The following FNBP1L variants were observed in gnomAD, a reference collection of about 807,000 sequenced individuals.
FNBP1L encodes formin-binding protein 1-like.
Under a neutral mutation model 91.2 loss-of-function variants are expected in FNBP1L, and 36 were observed. The observed-to-expected ratio is 0.39, with a 90% CI of 0.30 to 0.52. The LOEUF is 0.52. Ranked by LOEUF, FNBP1L falls within the 20% of genes least tolerant of loss-of-function variation. FNBP1L has a pLI of 0.66. For synonymous variants in FNBP1L, 242 were observed against 237.0 expected, an observed-to-expected ratio of 1.02 and a Z score of -0.19; for missense variants, 571 against 732.1, an observed-to-expected ratio of 0.78 and a Z score of 2.54.
chr1:93,462,861 C>G (rs74104033), intron 1 of FNBP1L, among the ~76,000 whole-genome samples: 4,353 of 152,080 alleles, frequency 0.029, 215 homozygotes, highest in African/African-American at 0.099. Flanking sequence ...AAGGAAGTCA[C>G]TATGTATAGC....
Position 93,553,220 on chromosome 1 carries a change from C to T in FNBP1L, c.*804C>T, listed in dbSNP as rs559168019. The T allele has an allele frequency of 1.3e-5, 2 of 152,646 alleles. No individual in the cohort carries two copies. Among genetic ancestry groups the T allele is most frequent in the Admixed American group, 1.3e-4 (2 of 15,278 alleles). 9.5% of individuals were successfully genotyped at this position (152,646 alleles called of 1,614,324 possible). On this transcript the variant is annotated 3_prime_UTR_variant, in exon 17 of 17. Transcript: ENST00000271234. ...AGCACTGAAATCCTGGCATAATAAACACAGAAGATATTCACCACCTCAAGA... is the reference window on the plus strand; with the variant it reads ...AGCACTGAAATCCTGGCATAATAAATACAGAAGATATTCACCACCTCAAGA...
intron 12 of FNBP1L, among the ~76,000 whole-genome samples, 158 bp downstream of exon 12, chr1:93,544,374 A>T (rs1672147759): frequency 6.6e-6 from 1 of 152,118 alleles, no homozygotes; most frequent in Admixed American, 6.5e-5. Context: ...TTTTATGGTT[A>T]CCCTGTCATA....
chr1:93,498,195 T>C (rs988233376), intron 1 of FNBP1L, among the ~76,000 whole-genome samples: 1 of 152,118 alleles, frequency 6.6e-6, no homozygotes, highest in African/African-American at 2.4e-5. Flanking sequence ...GTGAAGAAGA[T>C]TGTGGGAAGA....
chr1:93,507,574 CTG>C (rs910160342), intron 2 of FNBP1L, among the ~76,000 whole-genome samples: 4 of 152,152 alleles, frequency 2.6e-5, no homozygotes, highest in East Asian at 1.9e-4. Context: ...TGACTTTAGA[CTG>C]TTTTTTCAGA....
chr1:93,466,014 A>G (rs963328309), intron 1 of FNBP1L, among the ~76,000 whole-genome samples: 4 of 151,820 alleles, frequency 2.6e-5, no homozygotes, highest in African/African-American at 7.3e-5. Flanking sequence ...TTTGAGAAGT[A>G]TGTGTTCATA....
chr1:93,471,047 A>G (rs1467880080), intron 1 of FNBP1L, among the ~76,000 whole-genome samples: 2 of 152,174 alleles, frequency 1.3e-5, no homozygotes, highest in East Asian at 3.8e-4. Flanking sequence ...GTGATGCAAA[A>G]TTACAAATAC....
At chr1:93,493,860 C>T (rs544891701) in intron 1 of FNBP1L, among the ~76,000 whole-genome samples, 25 of 152,124 alleles carry the variant, frequency 1.6e-4, no homozygotes, top group Admixed American at 1.3e-4. Context: ...TGGTGAAAGA[C>T]GTACACTATT....
chr1:93,551,253 T>C, intron 16 of FNBP1L, 148 bp downstream of exon 16: 2 of 1,374,180 alleles, frequency 1.5e-6, no homozygotes, highest in Non-Finnish European at 1.9e-6. Context: ...CTATGTGAGC[T>C]GAGTGTAGGC....
At chr1:93,451,106 A>G (rs1047096552) in intron 1 of FNBP1L, among the ~76,000 whole-genome samples, 4 of 152,234 alleles carry the variant, frequency 2.6e-5, no homozygotes, top group Non-Finnish European at 5.9e-5. Flanking sequence ...GGGTAATACC[A>G]AGGAAAGAGA....
At chr1:93,519,831 C>T (rs1391986564) in intron 2 of FNBP1L, among the ~76,000 whole-genome samples, 1 of 152,098 alleles carries the variant, frequency 6.6e-6, no homozygotes, top group Non-Finnish European at 1.5e-5. Context: ...ATGGTGTGTG[C>T]CTGTAGTCCC....
At chr1:93,481,351 G>A (rs1669697644) in intron 1 of FNBP1L, among the ~76,000 whole-genome samples, 3 of 152,024 alleles carry the variant, frequency 2.0e-5, no homozygotes, top group Admixed American at 1.3e-4. Flanking sequence ...ATCACTATCA[G>A]CCTGTCAGTA....
chr1:93,453,053 A>G (rs1219393032), intron 1 of FNBP1L, among the ~76,000 whole-genome samples: 1 of 152,144 alleles, frequency 6.6e-6, no homozygotes. Flanking sequence ...AATTCCTATC[A>G]ACCCCATGCC....
At chr1:93,492,673 C>T (rs763277133) in intron 1 of FNBP1L, among the ~76,000 whole-genome samples, 5 of 152,034 alleles carry the variant, frequency 3.3e-5, no homozygotes, top group Admixed American at 6.6e-5. Flanking sequence ...CAAAGCAAGA[C>T]CCCGTCTTTA....
At chr1:93,449,324 G>A (rs755510079) in intron 1 of FNBP1L, among the ~76,000 whole-genome samples, 2 of 152,068 alleles carry the variant, frequency 1.3e-5, no homozygotes, top group Admixed American at 6.5e-5. Flanking sequence ...AACTGGGGGC[G>A]TGGGGGCGCT....
At chr1:93,526,472 C>T (rs1221247239) in intron 5 of FNBP1L, among the ~76,000 whole-genome samples, 1 of 152,228 alleles carries the variant, frequency 6.6e-6, no homozygotes. Flanking sequence ...GGCAGCATTT[C>T]ACTTCCAACT....
chr1:93,480,729 A>AT (rs1309384382), intron 1 of FNBP1L, among the ~76,000 whole-genome samples: 1 of 151,730 alleles, frequency 6.6e-6, no homozygotes, highest in Non-Finnish European at 1.5e-5. Flanking sequence ...CGCCCGGCTA[A>AT]TTTTTTGTAT....
intron 8 of FNBP1L, among the ~76,000 whole-genome samples, chr1:93,534,418 A>G (rs1191207302): frequency 1.3e-5 from 2 of 152,156 alleles, no homozygotes; most frequent in African/African-American, 4.8e-5. Context: ...TTTTTCAGCT[A>G]AGTAGTCTTC....
chr1:93,511,857 T>G (rs1670859096), intron 2 of FNBP1L, among the ~76,000 whole-genome samples: 1 of 148,008 alleles, frequency 6.8e-6, no homozygotes. Flanking sequence ...TCCCAGCTAC[T>G]TGGGAGGCTG....
In FNBP1L at chr1:93,546,942, G is replaced by T; in HGVS notation, c.1375G>T (p.Asp459Tyr). The T allele has an allele frequency of 6.2e-7, 1 of 1,612,374 alleles. No individual in the cohort carries two copies. The highest frequency in any genetic ancestry group is 1.1e-5 in the South Asian group (1 of 90,648). Reference sequence around the variant, plus strand: ...ATTAGCAGAGACCATGAATAACATTGACCGCCTACGAATGGAAATCCATAA... The same window carrying T: ...ATTAGCAGAGACCATGAATAACATTTACCGCCTACGAATGGAAATCCATAA... ...PKLAETMNNI[D>Y]RLRMEIHKNE... Residue 459 changes from aspartate to tyrosine, a missense_variant, in exon 13 of 17, where the codon GAC becomes TAC. Physicochemically the swap from Asp to Tyr is radical, Grantham distance 160 (BLOSUM62 -3). Transcript: ENST00000271234.
Sources: gnomAD v4.1 joint callset for allele counts (sites outside exome capture counted in the v4.1 genomes callset) on GRCh38, gnomAD v4.1.1 for gene constraint, MANE v1.5 for transcripts, NCBI Gene and HGNC (gene_info 2026-07-23, HGNC 2026-07-21) for gene names.